Variants in TTC27 observed in about 807,000 individuals in gnomAD.
TTC27 encodes the protein tetratricopeptide repeat domain 27, also known as tetratricopeptide repeat protein 27.
A neutral mutation model predicts 115.9 loss-of-function variants in TTC27; 79 were observed. The ratio of observed to expected loss-of-function variants is 0.68; its 90% CI spans 0.57 to 0.82. The LOEUF is 0.82. TTC27 is among the 40% of genes least tolerant of loss of function. TTC27 has a pLI of 0.00. For synonymous variants in TTC27, 401 were observed against 356.0 expected (o/e 1.13, Z -1.42); for missense variants, 1,054 against 993.1 (o/e 1.06, Z -0.82).
At chr2:32,635,626 G>A (rs561410807) in intron 3 of TTC27, among the ~76,000 whole-genome samples, 1 of 152,150 alleles carries the variant, frequency 6.6e-6, no homozygotes, top group Admixed American at 6.5e-5. Context: ...GGAGGTTGCA[G>A]TGAGCCAAGA....
chr2:32,666,622 A>G lies in TTC27; in HGVS notation c.806-13A>G. On this transcript the variant is annotated splice_polypyrimidine_tract_variant and intron_variant, in intron 6 of 19. Transcript: ENST00000317907. ...TGGGTAAGTCAGTAGATATAATTTT[A>G]TTGTTTTTTCAGGTGCTTTGGGAAA... is the stretch of plus-strand genomic sequence containing the variant. The G allele has an allele frequency of 6.2e-7, 1 of 1,613,550 alleles. No homozygotes were observed. Among genetic ancestry groups the G allele is most frequent in the Non-Finnish European group, 8.5e-7 (1 of 1,179,686 alleles).
chr2:32,816,718 A>G (rs575426921), intron 18 of TTC27, among the ~76,000 whole-genome samples: 2 of 152,302 alleles, frequency 1.3e-5, no homozygotes, highest in East Asian at 3.9e-4. Flanking sequence ...CTACATGAAG[A>G]CACATGGGTT....
Position 32,725,156 on chromosome 2 carries a change from A to G in TTC27, c.1234-8672A>G, listed in dbSNP as rs538794520. Among the ~76,000 whole-genome samples, 5 of 152,228 alleles carry G rather than the reference A, an allele frequency of 3.3e-5. No individual in the cohort carries two copies. The South Asian group carries it at 1.0e-3, about 32-fold the overall frequency. On this transcript the variant is annotated intron_variant, in intron 10 of 19. Transcript: ENST00000317907. ...TGAGATTTGAGTGGGGACACAGACA[A>G]ACCGTATTATTTCACCTCTGGCCCC...
chr2:32,672,421 T>C, intron 8 of TTC27, 37 bp downstream of exon 8: 3 of 1,434,724 alleles, frequency 2.1e-6, no homozygotes, highest in Non-Finnish European at 2.9e-6. Context: ...TTGAACACTT[T>C]GCATATTGAT....
At chr2:32,644,553 T>C (rs755656815) in intron 4 of TTC27, among the ~76,000 whole-genome samples, 1 of 152,120 alleles carries the variant, frequency 6.6e-6, no homozygotes, top group Non-Finnish European at 1.5e-5. Flanking sequence ...AGTATATTAC[T>C]ATGTATACCT....
At chr2:32,638,001 G>T (rs759195694) in intron 3 of TTC27, among the ~76,000 whole-genome samples, 3 of 152,208 alleles carry the variant, frequency 2.0e-5, no homozygotes, top group Non-Finnish European at 2.9e-5. Flanking sequence ...CAAATGCTTA[G>T]CATAGCCCTA....
At chr2:32,672,474 G>C in intron 8 of TTC27, 90 bp downstream of exon 8, 1 of 971,486 alleles carries the variant, frequency 1.0e-6, no homozygotes, top group Non-Finnish European at 1.6e-6. Flanking sequence ...GGTTCCAAGA[G>C]TTCTGGATGA....
intron 13 of TTC27, among the ~76,000 whole-genome samples, chr2:32,765,859 C>G (rs1323900577): frequency 6.6e-6 from 1 of 152,148 alleles, no homozygotes; most frequent in South Asian, 2.1e-4. Context: ...TGCAGCTTCT[C>G]CACCTTTCTC....
chr2:32,669,043 C>T (rs1665907930), intron 7 of TTC27, among the ~76,000 whole-genome samples: 1 of 151,590 alleles, frequency 6.6e-6, no homozygotes, highest in African/African-American at 2.4e-5. Context: ...CGTGCCACTG[C>T]ACTCCAGGCT....
intron 12 of TTC27, among the ~76,000 whole-genome samples, chr2:32,745,439 G>T (rs1225243499): frequency 6.6e-6 from 1 of 152,136 alleles, no homozygotes; most frequent in Non-Finnish European, 1.5e-5. Flanking sequence ...TGTGCCTTCT[G>T]CCATCTCATC....
intron 15 of TTC27, among the ~76,000 whole-genome samples, chr2:32,782,889 A>G (rs984030451): frequency 6.6e-6 from 1 of 152,228 alleles, no homozygotes; most frequent in African/African-American, 2.4e-5. Context: ...TTTCATATGT[A>G]ATAAAATAAG....
intron 10 of TTC27, among the ~76,000 whole-genome samples, chr2:32,719,086 G>A (rs1667841583): frequency 6.6e-6 from 1 of 152,204 alleles, no homozygotes; most frequent in African/African-American, 2.4e-5. Flanking sequence ...TAGAGACCCA[G>A]TGAGGAGAAC....
At chr2:32,767,442 AGTTTTTTTTT>A (rs1329431523) in intron 13 of TTC27, among the ~76,000 whole-genome samples, 1 of 101,734 alleles carries the variant, frequency 9.8e-6, no homozygotes, top group African/African-American at 3.6e-5. Flanking sequence ...AATATTTATA[AGTTTTTTTTT>A]GTTTTTTTTT....
intron 16 of TTC27, among the ~76,000 whole-genome samples, chr2:32,788,074 C>A (rs1670407907): frequency 6.6e-6 from 1 of 152,148 alleles, no homozygotes; most frequent in African/African-American, 2.4e-5. Flanking sequence ...GAAAATAGTG[C>A]ATATCTCTTG....
At chr2:32,819,801 C>T (rs57598524) in intron 19 of TTC27, among the ~76,000 whole-genome samples, 32 of 152,284 alleles carry the variant, frequency 2.1e-4, no homozygotes, top group African/African-American at 7.0e-4. Context: ...ACAGATTTGA[C>T]CCCTTACAGT....
At chr2:32,639,559 G>T (rs915696281) in intron 3 of TTC27, among the ~76,000 whole-genome samples, 1 of 152,056 alleles carries the variant, frequency 6.6e-6, no homozygotes, top group African/African-American at 2.4e-5. Context: ...GTGAAATGTA[G>T]GTGTTTAATA....
chr2:32,728,037 C>CTTTTTTTTTT (rs564322443), intron 10 of TTC27, among the ~76,000 whole-genome samples: 1 of 105,326 alleles, frequency 9.5e-6, no homozygotes, highest in East Asian at 2.7e-4. Context: ...AGGACTGCCT[C>CTTTTTTTTTT]TTTTTTTTTT....
In TTC27 at chr2:32,650,237, T is replaced by C. The variant is rs755795554; in HGVS notation, c.640+4T>C. On this transcript the variant is annotated splice_donor_region_variant and intron_variant, in intron 5 of 19. Transcript: ENST00000317907. ...GCCGAAAACTGTATTGATCAAGGTA[T>C]GTAGCAGATTTTTGTTTGATATGGG... 2.5e-6 allele frequency: 4 copies of C among 1,612,044 alleles called. No individual in the cohort carries two copies. The highest frequency in any genetic ancestry group is 1.7e-5 in the Admixed American group (1 of 59,934).
At chr2:32,696,417 G>C (rs1160359952) in intron 9 of TTC27, among the ~76,000 whole-genome samples, 2 of 151,786 alleles carry the variant, frequency 1.3e-5, no homozygotes, top group Non-Finnish European at 2.9e-5. Flanking sequence ...AGCCTCCCGG[G>C]TAGCTGGGAT....
Sources: gnomAD v4.1 joint callset for allele counts (sites outside exome capture counted in the v4.1 genomes callset) on GRCh38, gnomAD v4.1.1 for gene constraint, MANE v1.5 for transcripts, NCBI Gene and HGNC (gene_info 2026-07-23, HGNC 2026-07-21) for gene names.